PCDHGA3: variants seen among roughly 807,000 people sequenced by gnomAD.
PCDHGA3 encodes protocadherin gamma-A3.
A neutral mutation model predicts 58.5 loss-of-function variants in PCDHGA3; 40 were observed. The observed-to-expected ratio is 0.68, with a 90% CI of 0.53 to 0.89. The LOEUF (loss-of-function observed/expected upper bound fraction) is 0.89. PCDHGA3 is among the 40% of genes least tolerant of loss of function. The probability of loss-of-function intolerance (pLI) is 0.00; values close to 1 mark genes in which losing one functional copy is unlikely to be tolerated. For synonymous variants in PCDHGA3, 530 were observed against 525.7 expected (o/e 1.01, Z -0.11); for missense variants, 1,223 against 1,195.9 (o/e 1.02, Z -0.33).
chr5:141,485,134 C>T lies in PCDHGA3; in HGVS notation c.2425-9673C>T. The T allele has an allele frequency of 6.7e-7, 1 of 1,495,958 alleles. No homozygotes were observed. The highest frequency in any genetic ancestry group is 1.4e-5 in the African/African-American group (1 of 72,714). 92.7% of individuals were successfully genotyped at this position (1,495,958 alleles called of 1,614,324 possible). On this transcript the variant is annotated intron_variant, in intron 1 of 3. Transcript: ENST00000253812. The surrounding 1 kb of genome is among the most constrained non-coding windows in gnomAD (Gnocchi z 5.7). Reference sequence around the variant, plus strand: ...CTGTTTGGGGCGGGTCGGCTTCATCCGCGTCTCAGGAGCAAGTAGAGAATT... The same window carrying T: ...CTGTTTGGGGCGGGTCGGCTTCATCTGCGTCTCAGGAGCAAGTAGAGAATT...
chr5:141,418,985 T>C, intron 1 of PCDHGA3: 1 of 1,613,882 alleles, frequency 6.2e-7, no homozygotes, highest in Non-Finnish European at 8.5e-7. Context: ...GGACCAAGAC[T>C]CAGGGGAAAA....
chr5:141,475,486 T>G (rs576743657), intron 1 of PCDHGA3, among the ~76,000 whole-genome samples: 1 of 152,252 alleles, frequency 6.6e-6, no homozygotes, highest in Non-Finnish European at 1.5e-5. Flanking sequence ...TGGTAAGAGA[T>G]AAAACTGAAA....
chr5:141,422,549 TGAA>T (rs1554114956), intron 1 of PCDHGA3: 8 of 1,614,026 alleles, frequency 5.0e-6, no homozygotes, highest in Non-Finnish European at 6.8e-6. Flanking sequence ...CATGTCTGGC[TGAA>T]TGTGGCAGAT....
At chr5:141,357,201 C>A in intron 1 of PCDHGA3, 1 of 1,613,844 alleles carries the variant, frequency 6.2e-7, no homozygotes, top group Non-Finnish European at 8.5e-7. Context: ...TGGCCGACAG[C>A]ATCCCAGATG....
intron 1 of PCDHGA3, chr5:141,419,344 C>T (rs2096363174): frequency 1.9e-6 from 3 of 1,613,732 alleles, no homozygotes; most frequent in Non-Finnish European, 2.5e-6. Flanking sequence ...TTGCCAGCGA[C>T]CTGGAGTCAC....
intron 2 of PCDHGA3, among the ~76,000 whole-genome samples, chr5:141,501,877 A>G (rs1267260445): frequency 1.3e-5 from 2 of 151,690 alleles, no homozygotes; most frequent in East Asian, 3.9e-4. Flanking sequence ...GCCTCCTTAC[A>G]CTCCTGATCA....
intron 1 of PCDHGA3, chr5:141,372,262 C>T (rs1288257660): frequency 6.2e-7 from 1 of 1,613,106 alleles, no homozygotes; most frequent in Non-Finnish European, 8.5e-7. Flanking sequence ...GGCCTGCGCA[C>T]GGGTGAGGTG....
intron 2 of PCDHGA3, 34 bp from the exon 3 acceptor site, chr5:141,505,359 G>T: frequency 1.9e-6 from 3 of 1,613,870 alleles, no homozygotes; most frequent in Non-Finnish European, 2.5e-6. Context: ...TGCCGGCCTG[G>T]GAGTCTGTGC....
chr5:141,510,451 G>A (rs1330148267), intron 3 of PCDHGA3, among the ~76,000 whole-genome samples: 2 of 152,096 alleles, frequency 1.3e-5, no homozygotes, highest in East Asian at 1.9e-4. Context: ...AGGAGCCCAT[G>A]GTCTAGTGTG....
chr5:141,376,100 G>A (rs772318189), intron 1 of PCDHGA3: 1 of 1,613,750 alleles, frequency 6.2e-7, no homozygotes, highest in Non-Finnish European at 8.5e-7. Flanking sequence ...CGACATCCTG[G>A]CCGACCTGGG....
intron 1 of PCDHGA3, chr5:141,355,328 C>T: frequency 6.2e-7 from 1 of 1,613,960 alleles, no homozygotes; most frequent in East Asian, 2.2e-5. Flanking sequence ...GAAGAAGGCT[C>T]AGTGGTGGGC....
chr5:141,356,858 T>C, intron 1 of PCDHGA3: 1 of 1,614,210 alleles, frequency 6.2e-7, no homozygotes, highest in Non-Finnish European at 8.5e-7. Flanking sequence ...CTCTTTGTGC[T>C]GGACCAGAAC....
chr5:141,357,443 C>G, intron 1 of PCDHGA3: 2 of 1,614,222 alleles, frequency 1.2e-6, no homozygotes, highest in Non-Finnish European at 8.5e-7. Flanking sequence ...GGGGTTCGGG[C>G]TTTCCTGCAG....
chr5:141,460,576 G>A (rs2098992216), intron 1 of PCDHGA3, among the ~76,000 whole-genome samples: 1 of 152,082 alleles, frequency 6.6e-6, no homozygotes, highest in Non-Finnish European at 1.5e-5. Flanking sequence ...ACATATGTAG[G>A]TGTGGGTTTT....
intron 1 of PCDHGA3, chr5:141,424,133 T>C: frequency 2.2e-6 from 1 of 450,350 alleles, no homozygotes; most frequent in South Asian, 9.6e-5. Flanking sequence ...GTTGATTTAA[T>C]AGCATGCTCC....
intron 1 of PCDHGA3, chr5:141,350,081 A>C: frequency 2.3e-6 from 1 of 438,380 alleles, no homozygotes; most frequent in Non-Finnish European, 3.9e-6. Context: ...TCAATTCTGC[A>C]GGAGCGTCAG....
intron 1 of PCDHGA3, chr5:141,427,503 A>C (rs1317684577): frequency 6.9e-6 from 4 of 578,118 alleles, no homozygotes; most frequent in Non-Finnish European, 9.8e-6. Flanking sequence ...AACAGATGGG[A>C]CCCTGGATTG....
intron 1 of PCDHGA3, chr5:141,372,132 C>T (rs1427906053): frequency 3.7e-6 from 6 of 1,613,718 alleles, no homozygotes; most frequent in Non-Finnish European, 5.1e-6. Context: ...TATGGTGCCG[C>T]GCTCTGCAGA....
chr5:141,374,333 T>G lies in PCDHGA3; in HGVS notation c.2424+27876T>G, dbSNP rs767860795. 3.7e-6 allele frequency: 6 copies of G among 1,613,886 alleles called. No homozygotes were observed. In the African/African-American group the frequency reaches 5.3e-5, roughly 14 times the overall value. On this transcript the variant is annotated intron_variant, in intron 1 of 3. Coordinates refer to ENST00000253812, the MANE Select transcript of PCDHGA3 (RefSeq NM_018916.4). ...CTCTCTGAATCCGCGAAACGGCAGC[T>G]TGGTCACCGCGGGTAGGATAGACCG...
Sources: gnomAD v4.1 joint callset for allele counts (sites outside exome capture counted in the v4.1 genomes callset) on GRCh38, gnomAD v4.1.1 for gene constraint, Gnocchi (gnomAD v3.1) non-coding constraint, MANE v1.5 for transcripts, NCBI Gene and HGNC (gene_info 2026-07-23, HGNC 2026-07-21) for gene names.